Variants in CEACAM5 observed in about 807,000 individuals in gnomAD.
CEACAM5 encodes cell adhesion molecule CEACAM5.
A neutral mutation model predicts 63.0 loss-of-function variants in CEACAM5; 52 were observed. The ratio of observed to expected loss-of-function variants is 0.83; its 90% CI spans 0.66 to 1.04. CEACAM5 has a LOEUF of 1.04. Among genes scored for constraint, CEACAM5 ranks in the 50% least tolerant of loss-of-function variants. CEACAM5 has a pLI of 0.00. For synonymous variants in CEACAM5, 357 were observed against 351.3 expected, an observed-to-expected ratio of 1.02 and a Z score of -0.18; for missense variants, 790 against 864.8, an observed-to-expected ratio of 0.91 and a Z score of 1.08.
chr19:41,719,790 T>C (rs782778458), intron 6 of CEACAM5, 140 bp from the exon 7 acceptor site: 270 of 1,465,344 alleles, frequency 1.8e-4, no homozygotes, highest in Middle Eastern at 5.0e-4. Context: ...CGTACATCTG[T>C]CTTGTGATAC....
chr19:41,727,245 T>C lies in CEACAM5; in HGVS notation c.2038T>C (p.Ser680Pro). 1 of 1,613,870 alleles carries C rather than the reference T, an allele frequency of 6.2e-7. No homozygotes were observed. Among genetic ancestry groups the C allele is most frequent in the Non-Finnish European group, 8.5e-7 (1 of 1,179,722 alleles). The change falls in exon 9 of 10, where the codon TCT becomes CCT. Residue 680 changes from serine to proline, a missense_variant. Coordinates refer to ENST00000221992, the MANE Select transcript of CEACAM5 (RefSeq NM_004363.6). ...GACGGACGATTCAGCATCTGGAACT[T>C]CTCCTGGTCTCTCAGCTGGGGCCAC... ...KSITVSASGT[S>P]PGLSAGATVG...
chr19:41,715,580 C>G, intron 3 of CEACAM5, 70 bp from the exon 4 acceptor site: 1 of 1,576,882 alleles, frequency 6.3e-7, no homozygotes, highest in Non-Finnish European at 8.7e-7. Flanking sequence ...ACACTGTGGT[C>G]CTTCCATAGA....
chr19:41,725,753 CT>C (rs1403615745), intron 8 of CEACAM5, among the ~76,000 whole-genome samples: 1 of 151,980 alleles, frequency 6.6e-6, no homozygotes, highest in East Asian at 1.9e-4. Context: ...TTTTGTTGAT[CT>C]TTTTTGAAGA....
In CEACAM5 at chr19:41,715,656, C is replaced by G. The variant is rs200472113; in HGVS notation, c.710C>G (p.Pro237Arg). ...DSVILNVLYG[P>R]DAPTISPLNT... is the part of the protein sequence containing the mutation. The stretch of plus-strand genomic sequence containing the variant: ...TTTATTTTGTTTGCTCCAGATGGCC[C>G]GGATGCCCCCACCATTTCCCCTCTA... Residue 237 changes from proline to arginine, a missense_variant, in exon 4 of 10, where the codon CCG (proline) becomes CGG (arginine). Coordinates refer to ENST00000221992, the MANE Select transcript of CEACAM5 (RefSeq NM_004363.6). 1 of 1,614,150 alleles carries G rather than the reference C, an allele frequency of 6.2e-7. No homozygotes were observed. The highest frequency in any genetic ancestry group is 8.5e-7 in the Non-Finnish European group (1 of 1,180,008).
chr19:41,713,380 T>C (rs540049392), intron 2 of CEACAM5, among the ~76,000 whole-genome samples: 5 of 152,294 alleles, frequency 3.3e-5, no homozygotes, highest in African/African-American at 4.8e-5. Context: ...ATTTTCAGAT[T>C]TGGGGTGCTA....
intron 2 of CEACAM5, among the ~76,000 whole-genome samples, chr19:41,713,384 G>T (rs1555814358): frequency 6.6e-6 from 1 of 152,134 alleles, no homozygotes; most frequent in East Asian, 1.9e-4. Context: ...TCAGATTTGG[G>T]GTGCTAAACT....
intron 4 of CEACAM5, among the ~76,000 whole-genome samples, chr19:41,716,855 G>T (rs1415272539): frequency 6.6e-6 from 1 of 152,074 alleles, no homozygotes; most frequent in Non-Finnish European, 1.5e-5. Context: ...CTACCCACAG[G>T]ACTCTTTTCT....
intron 8 of CEACAM5, among the ~76,000 whole-genome samples, chr19:41,724,992 C>T (rs1341742709): frequency 1.3e-5 from 2 of 151,932 alleles, no homozygotes; most frequent in Non-Finnish European, 2.9e-5. Flanking sequence ...AATACTGTGT[C>T]GAATAGACGT....
Position 41,715,204 on chromosome 19 carries a change from C to A in CEACAM5, c.658C>A (p.Pro220Thr), listed in dbSNP as rs782511943. 4 of 1,614,198 alleles carry A rather than the reference C, an allele frequency of 2.5e-6. No individual in the cohort carries two copies. The highest frequency in any genetic ancestry group is 2.5e-6 in the Non-Finnish European group (3 of 1,180,044). Residue 220 changes from proline to threonine, a missense_variant, in exon 3 of 10, where the codon CCA (proline) becomes ACA (threonine). Physicochemically the swap from Pro to Thr is conservative, Grantham distance 38. Coordinates refer to ENST00000221992, the MANE Select transcript of CEACAM5 (RefSeq NM_004363.6). ...TASYKCETQN[P>T]VSARRSDSVI... The stretch of plus-strand genomic sequence containing the variant: ...AAGCTACAAATGTGAAACCCAGAAC[C>A]CAGTGAGTGCCAGGCGCAGTGATTC...
At chr19:41,721,220 G>T in intron 8 of CEACAM5, 44 bp downstream of exon 8, 2 of 1,604,112 alleles carry the variant, frequency 1.2e-6, no homozygotes, top group Middle Eastern at 3.3e-4. Flanking sequence ...CTGGGGTGGA[G>T]TCTATCTGGT....
intron 3 of CEACAM5, 189 bp downstream of exon 3, chr19:41,715,438 G>T (rs1555814817): frequency 8.9e-7 from 1 of 1,129,028 alleles, no homozygotes; most frequent in Non-Finnish European, 1.3e-6. Context: ...GAGGGGAGGG[G>T]CTGCTTCTGT....
Position 41,716,410 on chromosome 19 carries a change from C to T in CEACAM5, c.958+506C>T, listed in dbSNP as rs373486966. Among the ~76,000 whole-genome samples, 8 of 152,372 alleles carry T rather than the reference C, an allele frequency of 5.3e-5. 1 individual carries two copies. The highest frequency in any genetic ancestry group is 1.9e-4 in the African/African-American group (8 of 41,582). On this transcript the variant is annotated intron_variant, in intron 4 of 9. Transcript: ENST00000221992. ...GGGCTCCCCTGGGTGACTGGCCTTG[C>T]CTGACTCCACCTAGGTGGGAACGAG... is the stretch of plus-strand genomic sequence containing the variant.
intron 3 of CEACAM5, 173 bp from the exon 4 acceptor site, chr19:41,715,477 G>T: frequency 8.9e-7 from 1 of 1,123,214 alleles, no homozygotes; most frequent in Non-Finnish European, 1.3e-6. Context: ...CACACCCTAT[G>T]ATGGGAGAAA....
At position 41,710,543 on chromosome 19, in the gene CEACAM5, T is replaced by A. The variant is rs191874756; in HGVS notation, c.424+504T>A. 1.1e-4 allele frequency among the ~76,000 whole-genome samples: 17 copies of A among 152,330 alleles called. No individual in the cohort carries two copies. The East Asian group carries it at 3.3e-3, about 29-fold the overall frequency. On this transcript the variant is annotated intron_variant, in intron 2 of 9. Coordinates refer to ENST00000221992, the MANE Select transcript of CEACAM5 (RefSeq NM_004363.6). ...GTGGCTCCTGGAGCTGGATTCTGGA[T>A]GCAGAATCGGACTTTCTGGCCACAC...
chr19:41,719,605 C>T (rs113199182), intron 6 of CEACAM5, among the ~76,000 whole-genome samples: 4,680 of 152,304 alleles, frequency 0.031, 90 homozygotes, highest in Middle Eastern at 0.11. Flanking sequence ...CACAAGTCCC[C>T]AGGTTGGCCA....
At chr19:41,710,551 C>T (rs1353327933) in intron 2 of CEACAM5, among the ~76,000 whole-genome samples, 3 of 152,164 alleles carry the variant, frequency 2.0e-5, no homozygotes, top group Non-Finnish European at 4.4e-5. Context: ...GATGCAGAAT[C>T]GGACTTTCTG....
rs2072746839 is a variant in CEACAM5 at position 41,729,727 on chromosome 19, A to G, written c.*580A>G. On this transcript the variant is annotated 3_prime_UTR_variant, in exon 10 of 10. Transcript: ENST00000221992. ...TTAAATGTCTTGTTTCCCAGATTTC[A>G]GGAAACTTTTTTTCTTTTAAGCTAT... 2 of 152,314 alleles carry G rather than the reference A, an allele frequency of 1.3e-5. No homozygotes were observed. The highest frequency in any genetic ancestry group is 2.9e-5 in the Non-Finnish European group (2 of 68,016). The allele number at this position is 152,314 out of a possible 1,614,324, so 9.4% of individuals were successfully genotyped here.
rs1555814689 is a variant in CEACAM5, at chr19:41,715,165, AG to A, written c.620del (p.Arg207LysfsTer15). The A allele has an allele frequency of 6.2e-7, 1 of 1,614,124 alleles. No individual in the cohort carries two copies. Among genetic ancestry groups the A allele is most frequent in the East Asian group, 2.2e-5 (1 of 44,906 alleles). Reference protein sequence around the residue: ...NRTLTLFNVTRNDTASYKCET... With the variant: ...NRTLTLFNVTXNDTASYKCET... ...GACCCTCACTCTATTCAATGTCACA[AG>A]AAATGACACAGCAAGCTACAAATGT... On this transcript the variant is annotated frameshift_variant, in exon 3 of 10. Coordinates refer to ENST00000221992, the MANE Select transcript of CEACAM5 (RefSeq NM_004363.6). LOFTEE classifies it high-confidence loss of function.
In CEACAM5 at chr19:41,729,680, T is replaced by A. The variant is rs1373157035; in HGVS notation, c.*533T>A. On this transcript the variant is annotated 3_prime_UTR_variant, in exon 10 of 10. Coordinates refer to ENST00000221992, the MANE Select transcript of CEACAM5 (RefSeq NM_004363.6). The stretch of plus-strand genomic sequence containing the variant: ...TGAGGATAATATTTTCATAATTTTT[T>A]ATTTGAAATTTTGCTGATTCTTTAA... 6.6e-6 allele frequency: 1 copy of A among 152,224 alleles called. No individual in the cohort carries two copies. Among genetic ancestry groups the A allele is most frequent in the East Asian group, 1.9e-4 (1 of 5,200 alleles). The allele number at this position is 152,224 out of a possible 1,614,324, so 9.4% of individuals were successfully genotyped here.
Sources: allele counts gnomAD v4.1 joint callset (sites outside exome capture counted in the v4.1 genomes callset), GRCh38; gene constraint gnomAD v4.1.1; transcripts MANE v1.5; gene names NCBI Gene and HGNC (gene_info 2026-07-23, HGNC 2026-07-21).